The following ABL2 variants were observed in gnomAD, a reference collection of about 807,000 sequenced individuals.
ABL2 encodes the protein ABL proto-oncogene 2, non-receptor tyrosine kinase.
Under a neutral mutation model 107.7 loss-of-function variants are expected in ABL2, and 49 were observed. That is an observed-to-expected ratio of 0.45 (90% CI 0.36 to 0.58). ABL2 has a LOEUF of 0.58. Ranked by LOEUF, ABL2 falls within the 20% of genes least tolerant of loss-of-function variation. The pLI, the probability that ABL2 is intolerant of heterozygous loss-of-function variation, is 0.00. For synonymous variants in ABL2, 549 were observed against 548.6 expected, an observed-to-expected ratio of 1.00 and a Z score of -0.01; for missense variants, 1,245 against 1,457.0, an observed-to-expected ratio of 0.85 and a Z score of 2.37.
intron 1 of ABL2, among the ~76,000 whole-genome samples, chr1:179,159,848 T>A (rs1658955846): frequency 6.6e-6 from 1 of 152,190 alleles, no homozygotes. Context: ...GTGTGGTGCC[T>A]CATGCCTGTA....
intron 1 of ABL2, among the ~76,000 whole-genome samples, chr1:179,221,417 C>T (rs182872914): frequency 6.6e-6 from 1 of 152,222 alleles, no homozygotes; most frequent in African/African-American, 2.4e-5. Context: ...ATGGTGAAAA[C>T]CCATCTGTAC....
At chr1:179,154,541 A>C (rs1176798490) in intron 1 of ABL2, among the ~76,000 whole-genome samples, 1 of 152,226 alleles carries the variant, frequency 6.6e-6, no homozygotes, top group Non-Finnish European at 1.5e-5. Context: ...GAAAGGTAAG[A>C]TCTCTAATTC....
chr1:179,158,088 T>G (rs569767790), intron 1 of ABL2, among the ~76,000 whole-genome samples: 2 of 151,604 alleles, frequency 1.3e-5, no homozygotes, highest in Non-Finnish European at 2.9e-5. Flanking sequence ...CATAGGAGAG[T>G]CAAGGAAAGA....
At chr1:179,169,815 G>A (rs1309944805) in intron 1 of ABL2, among the ~76,000 whole-genome samples, 1 of 152,090 alleles carries the variant, frequency 6.6e-6, no homozygotes, top group African/African-American at 2.4e-5. Flanking sequence ...AGGCTGAGTT[G>A]AGGCCAGAAG....
intron 1 of ABL2, chr1:179,201,677 T>G: frequency 1.7e-6 from 1 of 581,672 alleles, no homozygotes; most frequent in Non-Finnish European, 3.1e-6. Context: ...GTGCACATGC[T>G]GAAGAGTTGT....
At chr1:179,211,730 T>C (rs1662285500) in intron 1 of ABL2, among the ~76,000 whole-genome samples, 4 of 148,458 alleles carry the variant, frequency 2.7e-5, no homozygotes, top group South Asian at 4.2e-4. Flanking sequence ...ACCCGGGTGA[T>C]GGAGGTTGCA....
At chr1:179,196,081 G>A (rs1023963972) in intron 1 of ABL2, among the ~76,000 whole-genome samples, 4 of 152,188 alleles carry the variant, frequency 2.6e-5, no homozygotes, top group African/African-American at 7.2e-5. Flanking sequence ...CTTGAGGCCA[G>A]GAGTTCCTCC....
chr1:179,118,156 GGA>G (rs1491358099), intron 7 of ABL2, among the ~76,000 whole-genome samples: 1 of 146,926 alleles, frequency 6.8e-6, no homozygotes, highest in East Asian at 2.0e-4. Flanking sequence ...GTCTCAAGAA[GGA>G]AAAAAAAAAA....
chr1:179,173,972 G>T (rs1011478516), intron 1 of ABL2, among the ~76,000 whole-genome samples: 2 of 152,114 alleles, frequency 1.3e-5, no homozygotes, highest in African/African-American at 4.8e-5. Context: ...CCTGAAGTAT[G>T]ATATTGTTAC....
intron 1 of ABL2, among the ~76,000 whole-genome samples, chr1:179,225,726 T>C (rs961536228): frequency 3.9e-5 from 6 of 151,968 alleles, no homozygotes; most frequent in Non-Finnish European, 8.8e-5. Flanking sequence ...CAGCCCAAAA[T>C]ATCAATGCCG....
chr1:179,185,558 G>A (rs775090793), intron 1 of ABL2, among the ~76,000 whole-genome samples: 2 of 152,080 alleles, frequency 1.3e-5, no homozygotes, highest in Admixed American at 6.6e-5. Context: ...AACTAAATGT[G>A]TCCACAAAGG....
rs184066683 is a variant in ABL2 at position 179,111,054 on chromosome 1, G to A, written c.1652-599C>T. 2.8e-5 allele frequency among the ~76,000 whole-genome samples: 4 copies of A among 142,006 alleles called. No homozygotes were observed. The East Asian group carries it at 8.3e-4, about 30-fold the overall frequency. The allele number at this position is 142,006 out of a possible 152,430, so 93.2% of individuals were successfully genotyped here. On this transcript the variant is annotated intron_variant, in intron 10 of 11. Coordinates refer to ENST00000502732, the MANE Select transcript of ABL2 (RefSeq NM_007314.4). Reference sequence around the variant, plus strand: ...GCTGGAGTGCAATGGCGTGATCTCAGCACACTGCAACCTCTGCCTCCGATG... The same window carrying A: ...GCTGGAGTGCAATGGCGTGATCTCAACACACTGCAACCTCTGCCTCCGATG...
At chr1:179,212,522 C>T (rs919991851) in intron 1 of ABL2, among the ~76,000 whole-genome samples, 13 of 152,066 alleles carry the variant, frequency 8.5e-5, no homozygotes, top group Non-Finnish European at 1.5e-4. Flanking sequence ...CACCTGAGGT[C>T]GGGAGTTCGA....
intron 5 of ABL2, among the ~76,000 whole-genome samples, chr1:179,120,789 G>A (rs1655117699): frequency 6.6e-6 from 1 of 152,196 alleles, no homozygotes; most frequent in South Asian, 2.1e-4. Flanking sequence ...AGCAGGAGGA[G>A]CAAAATTCAG....
At chr1:179,200,684 T>C (rs1047999843) in intron 1 of ABL2, among the ~76,000 whole-genome samples, 16 of 152,188 alleles carry the variant, frequency 1.1e-4, no homozygotes, top group East Asian at 5.8e-4. Flanking sequence ...CACTATTGTA[T>C]TGGAAATCTT....
intron 8 of ABL2, chr1:179,117,037 C>A: frequency 2.6e-6 from 1 of 383,468 alleles, no homozygotes; most frequent in Non-Finnish European, 4.9e-6. Context: ...GGGAGTTCAC[C>A]ATGTTGGCCA....
At chr1:179,113,591 G>A (rs28913878) in intron 9 of ABL2, among the ~76,000 whole-genome samples, 1,672 of 152,258 alleles carry the variant, frequency 0.011, 27 homozygotes, top group African/African-American at 0.038. Flanking sequence ...CTTGAGACCA[G>A]GAGTTCGAGA....
At chr1:179,185,881 G>C (rs1398439521) in intron 1 of ABL2, among the ~76,000 whole-genome samples, 1 of 151,980 alleles carries the variant, frequency 6.6e-6, no homozygotes, top group Non-Finnish European at 1.5e-5. Context: ...ATACTTAATA[G>C]CTACTTTTAT....
intron 4 of ABL2, among the ~76,000 whole-genome samples, chr1:179,124,616 G>A (rs543026912): frequency 1.9e-4 from 29 of 151,816 alleles, no homozygotes; most frequent in African/African-American, 5.6e-4. Flanking sequence ...TTACAGTCGC[G>A]TGCCACCATG....
Sources: allele counts gnomAD v4.1 joint callset (sites outside exome capture counted in the v4.1 genomes callset), GRCh38; gene constraint gnomAD v4.1.1; transcripts MANE v1.5; gene names NCBI Gene and HGNC (gene_info 2026-07-23, HGNC 2026-07-21).